Variants in DNAH10 observed in about 807,000 individuals in gnomAD.
DNAH10 encodes the protein axonemal beta dynein heavy chain 10.
A neutral mutation model predicts 506.6 loss-of-function variants in DNAH10; 348 were observed. The observed-to-expected ratio is 0.69, with a 90% CI of 0.63 to 0.75. DNAH10 has a LOEUF of 0.75. Among genes scored for constraint, DNAH10 ranks in the 30% least tolerant of loss-of-function variants. The pLI is 0.00. For missense variants in DNAH10, 5,179 were observed against 5,787.1 expected, an observed-to-expected ratio of 0.89 and a Z score of 3.41; for synonymous variants, 2,059 against 2,198.6, an observed-to-expected ratio of 0.94 and a Z score of 1.78.
chr12:123,923,222 G>A (rs906430172), intron 65 of DNAH10: 2 of 152,198 alleles, frequency 1.3e-5, no homozygotes, highest in Non-Finnish European at 2.9e-5. Flanking sequence ...GCCTGCTTTT[G>A]TAAATAAAGT....
chr12:123,783,005 CT>C (rs1957720589), intron 6 of DNAH10, 101 bp from the exon 7 acceptor site: 1 of 1,029,552 alleles, frequency 9.7e-7, no homozygotes, highest in Non-Finnish European at 1.5e-6. Context: ...CCTTATTATA[CT>C]GATGAAGCTT....
chr12:123,893,479 C>G (rs1953080494), intron 53 of DNAH10, 43 bp downstream of exon 53: 1 of 1,607,972 alleles, frequency 6.2e-7, no homozygotes, highest in Admixed American at 1.7e-5. Flanking sequence ...CCTGCTTTGG[C>G]AGAGTGTGTG....
intron 4 of DNAH10, among the ~76,000 whole-genome samples, chr12:123,773,441 T>C (rs1257408729): frequency 6.6e-6 from 1 of 152,200 alleles, no homozygotes; most frequent in East Asian, 1.9e-4. Flanking sequence ...GAAGACTTGC[T>C]GGGGAGTGAA....
chr12:123,879,438 C>T (rs938850419), intron 49 of DNAH10, 81 bp downstream of exon 49: 106 of 1,506,830 alleles, frequency 7.0e-5, no homozygotes, highest in Admixed American at 1.9e-4. Flanking sequence ...TATATTAGGA[C>T]GCGAATTGTG....
chr12:123,811,625 C>T (rs569003250), intron 19 of DNAH10, among the ~76,000 whole-genome samples: 27 of 152,266 alleles, frequency 1.8e-4, no homozygotes, highest in South Asian at 6.2e-4. Context: ...CTCAGCCTCC[C>T]GAGTAGCTGG....
chr12:123,822,637 T>C (rs1959537103), intron 24 of DNAH10, among the ~76,000 whole-genome samples: 1 of 152,306 alleles, frequency 6.6e-6, no homozygotes, highest in Non-Finnish European at 1.5e-5. Flanking sequence ...GTCTAATCTA[T>C]ACCTATATCT....
Position 123,875,331 on chromosome 12 carries a change from T to A in DNAH10, c.8039T>A (p.Ile2680Asn). Residue 2680 changes from isoleucine to asparagine, a missense_variant, in exon 47 of 79, where the codon ATT (isoleucine) becomes AAT (asparagine). Ile to Asn is a moderately radical substitution (Grantham distance 149, BLOSUM62 -3). Coordinates refer to ENST00000673944, the MANE Select transcript of DNAH10 (RefSeq NM_001372106.1). ...DRGKELNCKS[I>N]RDLGFIAAMG... ...GGGAAGGAGCTGAACTGTAAAAGCA[T>A]TCGAGACCTTGGCTTTATTGCTGCA... The A allele has an allele frequency of 1.2e-6, 2 of 1,613,908 alleles. No homozygotes were observed. The highest frequency in any genetic ancestry group is 8.5e-7 in the Non-Finnish European group (1 of 1,179,842).
At chr12:123,927,033 CT>C (rs1317605318) in intron 69 of DNAH10, 63 of 592,120 alleles carry the variant, frequency 1.1e-4, no homozygotes, top group East Asian at 1.9e-4. Flanking sequence ...GTGCTGTTTT[CT>C]TTTTTTTTCC....
At chr12:123,933,645 A>G (rs1175726732) in intron 77 of DNAH10, 134 bp downstream of exon 77, 2 of 1,034,630 alleles carry the variant, frequency 1.9e-6, no homozygotes, top group African/African-American at 1.6e-5. Flanking sequence ...CCTGCTGCAA[A>G]TATTTCCTGT....
Position 123,871,585 on chromosome 12 carries a change from C to CTTTT in DNAH10, c.7769_7770insTTTT (p.Ser2591PhefsTer3). The stretch of plus-strand genomic sequence containing the variant: ...CACTACCCAGAATTTCCTCAAAAAT[C>CTTTT]TGAGTGAAGAAACTAACGTAAGTCA... On this transcript the variant is annotated frameshift_variant, in exon 45 of 79. Transcript: ENST00000673944. LOFTEE classifies it high-confidence loss of function. 6.4e-7 allele frequency: 1 copy of CTTTT among 1,550,792 alleles called. No individual in the cohort carries two copies.
At chr12:123,904,528 G>A (rs958720887) in intron 57 of DNAH10, among the ~76,000 whole-genome samples, 5 of 152,118 alleles carry the variant, frequency 3.3e-5, no homozygotes, top group Admixed American at 3.3e-4. Context: ...GGAGTGGGGG[G>A]GAGCTTCCAT....
rs776565786 is a variant in DNAH10, at chr12:123,925,093, GT to G, written c.11812del (p.Tyr3938ThrfsTer26). The G allele has an allele frequency of 6.2e-6, 10 of 1,613,994 alleles. No homozygotes were observed. Among genetic ancestry groups the G allele is most frequent in the Non-Finnish European group, 5.9e-6 (7 of 1,179,898 alleles). ...DSLEQFPVPL[G>X]YDNNITPFQK... ...CTGGAGCAGTTTCCCGTCCCCTTGG[GT>G]TACGATAACAACATCACCCCTTTCC... On this transcript the variant is annotated frameshift_variant, in exon 68 of 79. Transcript: ENST00000673944. LOFTEE classifies it high-confidence loss of function. The surrounding 1 kb of genome is among the most constrained non-coding windows in gnomAD (Gnocchi z 4.0).
rs2137528661 is a variant in DNAH10, at chr12:123,917,167, C to G, written c.11003-417C>G. Among the ~76,000 whole-genome samples, 1 of 70,792 alleles carries G rather than the reference C, an allele frequency of 1.4e-5. No individual in the cohort carries two copies. The highest frequency in any genetic ancestry group is 3.3e-5 in the Non-Finnish European group (1 of 30,284). The allele number at this position is 70,792 out of a possible 152,430, so 46.4% of individuals were successfully genotyped here. A position where few individuals can be genotyped will look rare whatever the true frequency, so the allele number is the denominator to read the frequency against. On this transcript the variant is annotated intron_variant, in intron 63 of 78. Coordinates refer to ENST00000673944, the MANE Select transcript of DNAH10 (RefSeq NM_001372106.1). The surrounding 1 kb of genome is among the most constrained non-coding windows in gnomAD (Gnocchi z 5.6). ...GGCTAATTTGATTTGGATGTACTTT[C>G]TTTTCTTTTTTCTTTTTCTTTTTTT...
chr12:123,865,243 T>TAAA (rs1951757780), intron 40 of DNAH10, among the ~76,000 whole-genome samples: 1 of 146,340 alleles, frequency 6.8e-6, no homozygotes, highest in African/African-American at 2.5e-5. Context: ...CCTCACACTA[T>TAAA]TTGCCTTTAT....
rs73219100 is a variant in DNAH10 at position 123,879,738 on chromosome 12, C to T, written c.8571C>T (p.His2857=). ...ILFGDFQMAL[H]EGEPRIYEDI... ...TTGGAGACTTCCAGATGGCTCTGCACGAAGGAGAACCACGCATTTATGAAG... is the reference window on the plus strand; with the variant it reads ...TTGGAGACTTCCAGATGGCTCTGCATGAAGGAGAACCACGCATTTATGAAG... Residue 2857 remains histidine, a synonymous_variant, in exon 50 of 79, where the codon CAC becomes CAT. Coordinates refer to ENST00000673944, the MANE Select transcript of DNAH10 (RefSeq NM_001372106.1). The T allele has an allele frequency of 4.3e-3, 6,910 of 1,613,970 alleles. 23 individuals carry two copies. Among genetic ancestry groups the T allele is most frequent in the African/African-American group, 8.6e-3 (644 of 75,016 alleles).
chr12:123,834,075 GGCCAACTGTGTGATCAGGCCTCCATCAT>G (rs1960869211), intron 27 of DNAH10, among the ~76,000 whole-genome samples: 1 of 152,110 alleles, frequency 6.6e-6, no homozygotes, highest in African/African-American at 2.4e-5. Flanking sequence ...CTGGTTCACT[GGCCAACTGTGTGATCAGGCCTCCATCAT>G]GCCTGGGCTT....
At chr12:123,873,431 T>C in intron 45 of DNAH10, 127 bp from the exon 46 acceptor site, 1 of 1,046,158 alleles carries the variant, frequency 9.6e-7, no homozygotes, top group South Asian at 1.7e-5. Context: ...AGTCTCACAC[T>C]GGGTTATTAA....
Position 123,926,395 on chromosome 12 carries a change from C to A in DNAH10, c.11922-242C>A, listed in dbSNP as rs978428523. 5 of 491,334 alleles carry A rather than the reference C, an allele frequency of 1.0e-5. No homozygotes were observed. Among genetic ancestry groups the A allele is most frequent in the Non-Finnish European group, 1.8e-5 (5 of 284,696 alleles). 30.4% of individuals were successfully genotyped at this position (491,334 alleles called of 1,614,324 possible). On this transcript the variant is annotated intron_variant, in intron 68 of 78. Transcript: ENST00000673944. This position sits in a 1 kb window ranked among gnomAD's most constrained non-coding sequence, Gnocchi z 4.1. ...GCAAGCTGAGGTGCCCAGCTCAGCA[C>A]AAACCAACTGAATCGAGTGTGAGGG...
chr12:123,846,133 G>T lies in DNAH10; in HGVS notation c.5793G>T (p.Arg1931=). 1 of 1,613,310 alleles carries T rather than the reference G, an allele frequency of 6.2e-7. No individual in the cohort carries two copies. Among genetic ancestry groups the T allele is most frequent in the Non-Finnish European group, 8.5e-7 (1 of 1,179,640 alleles). ...TGGTCATCACGCCCCTCACCGATCG[G>T]ATTTACCTGACGCTCACCCAGGTGA... is the stretch of plus-strand genomic sequence containing the variant. The part of the protein sequence containing the change: ...GRLVITPLTD[R]IYLTLTQALS... The change falls in exon 32 of 79, where the codon CGG becomes CGT. Residue 1931 remains arginine, a synonymous_variant. Transcript: ENST00000673944. The surrounding 1 kb of genome is among the most constrained non-coding windows in gnomAD (Gnocchi z 4.5).
Sources: gnomAD v4.1 joint callset for allele counts (sites outside exome capture counted in the v4.1 genomes callset) on GRCh38, gnomAD v4.1.1 for gene constraint, Gnocchi (gnomAD v3.1) non-coding constraint, MANE v1.5 for transcripts, NCBI Gene and HGNC (gene_info 2026-07-23, HGNC 2026-07-21) for gene names.